Variants in CACNA1E observed in about 807,000 individuals in gnomAD.
CACNA1E encodes the protein voltage-dependent R-type calcium channel subunit alpha-1E.
Under a neutral mutation model 259.2 loss-of-function variants are expected in CACNA1E, and 40 were observed. The ratio of observed to expected loss-of-function variants is 0.15; its 90% CI spans 0.12 to 0.20. The LOEUF (loss-of-function observed/expected upper bound fraction) is 0.20, where lower values mean the gene tolerates loss of function less well. Among genes scored for constraint, CACNA1E ranks in the 10% least tolerant of loss-of-function variants. CACNA1E has a pLI of 1.00. For missense variants in CACNA1E, 1,874 were observed against 3,040.1 expected (o/e 0.62, Z 9.02); for synonymous variants, 1,104 against 1,138.5 (o/e 0.97, Z 0.61).
At chr1:181,666,685 T>C (rs1648260530) in intron 7 of CACNA1E, among the ~76,000 whole-genome samples, 1 of 151,890 alleles carries the variant, frequency 6.6e-6, no homozygotes, top group African/African-American at 2.4e-5. Flanking sequence ...TGATGTGATA[T>C]AATATAGGAA....
chr1:181,339,069 T>C (rs544127796), intron 1 of CACNA1E, among the ~76,000 whole-genome samples: 26 of 152,342 alleles, frequency 1.7e-4, no homozygotes, highest in Admixed American at 1.4e-3. Context: ...TATAATTTTG[T>C]AATATAATTT....
At chr1:181,735,100 G>T (rs1012481396) in intron 21 of CACNA1E, among the ~76,000 whole-genome samples, 1 of 151,832 alleles carries the variant, frequency 6.6e-6, no homozygotes, top group Non-Finnish European at 1.5e-5. Context: ...CTCCATTTCC[G>T]CATCTTCTCT....
chr1:181,527,202 A>G (rs1667428188), intron 3 of CACNA1E, among the ~76,000 whole-genome samples: 1 of 152,242 alleles, frequency 6.6e-6, no homozygotes, highest in Non-Finnish European at 1.5e-5. Context: ...GTCCATGATC[A>G]AAGCAGATTC....
chr1:181,618,212 C>T (rs1254633947), intron 6 of CACNA1E, among the ~76,000 whole-genome samples: 7 of 152,088 alleles, frequency 4.6e-5, no homozygotes, highest in Non-Finnish European at 8.8e-5. Flanking sequence ...AAGAAGACAC[C>T]AGCGAAGAGA....
At chr1:181,548,750 G>A (rs1229825651) in intron 3 of CACNA1E, among the ~76,000 whole-genome samples, 2 of 152,224 alleles carry the variant, frequency 1.3e-5, no homozygotes, top group Admixed American at 6.5e-5. Flanking sequence ...TTCCAGATGG[G>A]CAAAGATAGT....
chr1:181,360,513 A>C (rs1358643139), intron 1 of CACNA1E, among the ~76,000 whole-genome samples: 2 of 152,144 alleles, frequency 1.3e-5, no homozygotes, highest in Non-Finnish European at 2.9e-5. Context: ...ATACTGCATG[A>C]TCCTGTTTGT....
chr1:181,605,040 C>T (rs1654099417), intron 6 of CACNA1E, among the ~76,000 whole-genome samples: 1 of 152,022 alleles, frequency 6.6e-6, no homozygotes, highest in African/African-American at 2.4e-5. Flanking sequence ...GATAGCTCTT[C>T]TCTGAGAATG....
At position 181,380,611 on chromosome 1, in the gene CACNA1E, T is replaced by C. The variant is rs544059266; in HGVS notation, c.-14-32522T>C. The stretch of plus-strand genomic sequence containing the variant: ...GCACATTAAAGTACACTCACTATTG[T>C]TGGTTGTTAAGAAATGTAAATTAAA... On this transcript the variant is annotated intron_variant, in intron 1 of 11. Transcript: ENST00000524607. Among the ~76,000 whole-genome samples, 8 of 152,310 alleles carry C rather than the reference T, an allele frequency of 5.3e-5. No individual in the cohort carries two copies. In the East Asian group the frequency reaches 1.2e-3, roughly 22 times the overall value.
At chr1:181,532,220 G>T (rs1198588283) in intron 3 of CACNA1E, among the ~76,000 whole-genome samples, 1 of 152,164 alleles carries the variant, frequency 6.6e-6, no homozygotes, top group African/African-American at 2.4e-5. Context: ...AGTGTTTGTT[G>T]TTTTTTGTTT....
upstream of CACNA1E, chr1:181,483,491 T>G: frequency 2.9e-6 from 1 of 343,960 alleles, no homozygotes. Context: ...CCGCTTTTTT[T>G]TTCTTTTTTC....
At chr1:181,347,290 A>T (rs778997558) in intron 1 of CACNA1E, among the ~76,000 whole-genome samples, 1 of 152,176 alleles carries the variant, frequency 6.6e-6, no homozygotes, top group Non-Finnish European at 1.5e-5. Context: ...ATGACTGTTC[A>T]TGGAGGCAGA....
intron 6 of CACNA1E, among the ~76,000 whole-genome samples, chr1:181,639,649 C>T (rs1369181479): frequency 6.6e-6 from 1 of 152,080 alleles, no homozygotes; most frequent in Non-Finnish European, 1.5e-5. Flanking sequence ...GCAAAGTGGT[C>T]AAAGTAAAAA....
chr1:181,494,755 T>C (rs1212422699), intron 1 of CACNA1E, among the ~76,000 whole-genome samples: 2 of 152,252 alleles, frequency 1.3e-5, no homozygotes, highest in Non-Finnish European at 2.9e-5. Flanking sequence ...CTTTGCTGTT[T>C]CATGAGTGAG....
chr1:181,355,741 C>G (rs1023504236), intron 1 of CACNA1E, among the ~76,000 whole-genome samples: 6 of 152,148 alleles, frequency 3.9e-5, no homozygotes, highest in Admixed American at 3.9e-4. Context: ...GAGAGCTTTG[C>G]ACTGCAATGC....
chr1:181,731,918 TTCAGC>T (rs1655519017), intron 19 of CACNA1E, among the ~76,000 whole-genome samples: 1 of 152,000 alleles, frequency 6.6e-6, no homozygotes, highest in Admixed American at 6.5e-5. Flanking sequence ...ATCTGACCAT[TTCAGC>T]CCTCATTATC....
intron 6 of CACNA1E, among the ~76,000 whole-genome samples, chr1:181,597,051 T>G (rs1318227766): frequency 2.6e-5 from 4 of 152,166 alleles, no homozygotes; most frequent in East Asian, 1.9e-4. Flanking sequence ...CCCCTCCCTT[T>G]GAAGGAAAGA....
At chr1:181,684,394 T>C (rs1650300141) in intron 7 of CACNA1E, among the ~76,000 whole-genome samples, 1 of 152,200 alleles carries the variant, frequency 6.6e-6, no homozygotes, top group Non-Finnish European at 1.5e-5. Flanking sequence ...GTTGGATACA[T>C]AGATTGCAAA....
intron 32 of CACNA1E, among the ~76,000 whole-genome samples, chr1:181,760,925 T>C (rs1658526307): frequency 6.6e-6 from 1 of 152,222 alleles, no homozygotes; most frequent in African/African-American, 2.4e-5. Flanking sequence ...CCTAGATCCA[T>C]GCACCAAGGT....
At chr1:181,366,700 C>T (rs1318534972) in intron 1 of CACNA1E, among the ~76,000 whole-genome samples, 1 of 152,080 alleles carries the variant, frequency 6.6e-6, no homozygotes, top group Non-Finnish European at 1.5e-5. Context: ...GCTGTGTGAC[C>T]CCAGACAACT....
Sources: allele counts gnomAD v4.1 joint callset (sites outside exome capture counted in the v4.1 genomes callset), GRCh38; gene constraint gnomAD v4.1.1; transcripts MANE v1.5; gene names NCBI Gene and HGNC (gene_info 2026-07-23, HGNC 2026-07-21).